Variants in TAFA4 observed in about 807,000 individuals in gnomAD.
The protein encoded by TAFA4 is chemokine-like protein TAFA-4.
A neutral mutation model predicts 21.1 loss-of-function variants in TAFA4; 20 were observed. The observed-to-expected ratio is 0.95, with a 90% CI of 0.67 to 1.38. The LOEUF is 1.38. Among genes scored for constraint, TAFA4 ranks in the 40% most tolerant of loss-of-function variants. TAFA4 has a pLI of 0.00. For missense variants in TAFA4, 211 were observed against 180.9 expected (o/e 1.17, Z -0.95); for synonymous variants, 71 against 67.4 (o/e 1.05, Z -0.26).
At chr3:68,753,308 T>C (rs755230577) in intron 3 of TAFA4, among the ~76,000 whole-genome samples, 1 of 150,906 alleles carries the variant, frequency 6.6e-6, no homozygotes, top group Non-Finnish European at 1.5e-5. Context: ...AAAAGAGAGT[T>C]TGCAGATGTG....
At chr3:68,770,796 G>A (rs1702941379) in intron 3 of TAFA4, among the ~76,000 whole-genome samples, 1 of 152,198 alleles carries the variant, frequency 6.6e-6, no homozygotes, top group African/African-American at 2.4e-5. Flanking sequence ...GAGAAGGGTG[G>A]GGTCCCGGCG....
intron 1 of TAFA4, among the ~76,000 whole-genome samples, chr3:68,914,728 A>G (rs935561038): frequency 9.9e-5 from 15 of 152,186 alleles, no homozygotes; most frequent in African/African-American, 3.6e-4. Context: ...TCACTAGACT[A>G]TGGAGAAGTG....
intron 4 of TAFA4, among the ~76,000 whole-genome samples, chr3:68,750,841 CTG>C (rs1308566214): frequency 6.6e-6 from 1 of 152,130 alleles, no homozygotes; most frequent in African/African-American, 2.4e-5. Context: ...AGAGAGCAAT[CTG>C]TGATTAGCAA....
chr3:68,923,694 G>A (rs910995469), intron 1 of TAFA4, among the ~76,000 whole-genome samples: 4 of 152,028 alleles, frequency 2.6e-5, no homozygotes, highest in Admixed American at 6.5e-5. Context: ...TCCAGATCTC[G>A]GTGAAATTCC....
chr3:68,799,009 A>T lies in TAFA4; in HGVS notation c.131-45991T>A, dbSNP rs1168832636. 2.0e-5 allele frequency among the ~76,000 whole-genome samples: 3 copies of T among 152,234 alleles called. No individual in the cohort carries two copies. In the East Asian group the frequency reaches 5.8e-4, roughly 29 times the overall value. ...GTTTGTTTTATGTTAAAAGAAAGAC[A>T]TACCTTGAAAAATGCTTTACTTTCT... On this transcript the variant is annotated intron_variant, in intron 3 of 5. Transcript: ENST00000295569.
chr3:68,927,348 T>C (rs531765383), intron 1 of TAFA4, among the ~76,000 whole-genome samples: 1 of 152,298 alleles, frequency 6.6e-6, no homozygotes, highest in African/African-American at 2.4e-5. Flanking sequence ...GAGAAAACTT[T>C]AGAACACATG....
chr3:68,813,337 G>C lies in TAFA4; in HGVS notation c.131-60319C>G, dbSNP rs114889701. ...AATAACTATGAGAGCAGAACTGAAG[G>C]AGACAGAGACACAGAGAACCCTTCA... is the stretch of plus-strand genomic sequence containing the variant. On this transcript the variant is annotated intron_variant, in intron 3 of 5. Coordinates refer to ENST00000295569, the MANE Select transcript of TAFA4 (RefSeq NM_182522.5). Among the ~76,000 whole-genome samples the C allele has an allele frequency of 6.2e-3, 946 of 152,252 alleles. 10 individuals carry two copies. The highest frequency in any genetic ancestry group is 0.022 in the African/African-American group (915 of 41,528).
At chr3:68,764,362 C>A (rs1233701953) in intron 3 of TAFA4, among the ~76,000 whole-genome samples, 3 of 152,150 alleles carry the variant, frequency 2.0e-5, no homozygotes, top group African/African-American at 4.8e-5. Context: ...AGTTGTCAGA[C>A]TTCTAGCCTC....
At chr3:68,776,555 T>A (rs1240585980) in intron 3 of TAFA4, among the ~76,000 whole-genome samples, 1 of 152,172 alleles carries the variant, frequency 6.6e-6, no homozygotes, top group East Asian at 1.9e-4. Flanking sequence ...CCATTCTACA[T>A]CCATAGTTTG....
chr3:68,906,480 A>T (rs1387777569), intron 1 of TAFA4, among the ~76,000 whole-genome samples: 1 of 152,226 alleles, frequency 6.6e-6, no homozygotes, highest in African/African-American at 2.4e-5. Context: ...ATCTTGCAAC[A>T]GCCTTCTGAG....
At chr3:68,805,762 A>G (rs1222585664) in intron 3 of TAFA4, among the ~76,000 whole-genome samples, 1 of 151,926 alleles carries the variant, frequency 6.6e-6, no homozygotes, top group Non-Finnish European at 1.5e-5. Context: ...CAATGAGAAC[A>G]CATGGACACA....
chr3:68,789,854 C>G (rs911592713), intron 3 of TAFA4, among the ~76,000 whole-genome samples: 2 of 152,090 alleles, frequency 1.3e-5, no homozygotes, highest in Non-Finnish European at 2.9e-5. Context: ...TCAATAAAAC[C>G]GTGGTAACCT....
At chr3:68,755,897 C>T (rs754857795) in intron 3 of TAFA4, among the ~76,000 whole-genome samples, 19 of 152,324 alleles carry the variant, frequency 1.2e-4, no homozygotes, top group South Asian at 2.1e-4. Flanking sequence ...GACAATGGCA[C>T]GCTCACTCAC....
intron 3 of TAFA4, among the ~76,000 whole-genome samples, chr3:68,790,909 C>G (rs1340267245): frequency 6.6e-6 from 1 of 152,166 alleles, no homozygotes; most frequent in Non-Finnish European, 1.5e-5. Context: ...TTTATGGCAA[C>G]CCCCAATGTG....
intron 3 of TAFA4, among the ~76,000 whole-genome samples, chr3:68,806,504 C>A (rs190563944): frequency 1.3e-5 from 2 of 152,140 alleles, no homozygotes; most frequent in Non-Finnish European, 2.9e-5. Flanking sequence ...AACTCTTTTA[C>A]ATACAAGAGT....
At chr3:68,915,636 T>C (rs1469902329) in intron 1 of TAFA4, among the ~76,000 whole-genome samples, 1 of 152,154 alleles carries the variant, frequency 6.6e-6, no homozygotes, top group Admixed American at 6.5e-5. Context: ...AAGAAGTTAA[T>C]CATGGTGGGT....
At chr3:68,862,704 G>A (rs957333155) in intron 3 of TAFA4, among the ~76,000 whole-genome samples, 1 of 152,032 alleles carries the variant, frequency 6.6e-6, no homozygotes, top group Admixed American at 6.6e-5. Context: ...TGGGAGCAGA[G>A]TCAAGTCATT....
intron 5 of TAFA4, among the ~76,000 whole-genome samples, chr3:68,735,992 CAG>C (rs1207837051): frequency 2.6e-5 from 4 of 152,024 alleles, no homozygotes; most frequent in Non-Finnish European, 5.9e-5. Context: ...AATGTCTACT[CAG>C]GGGCAAAATT....
chr3:68,761,479 A>C (rs1265081750), intron 3 of TAFA4, among the ~76,000 whole-genome samples: 1 of 152,202 alleles, frequency 6.6e-6, no homozygotes, highest in Admixed American at 6.5e-5. Context: ...AAGCTGTTGA[A>C]AAGATAAAAG....
Sources: allele counts gnomAD v4.1 joint callset (sites outside exome capture counted in the v4.1 genomes callset), GRCh38; gene constraint gnomAD v4.1.1; transcripts MANE v1.5; gene names NCBI Gene and HGNC (gene_info 2026-07-23, HGNC 2026-07-21).